The following HDAC10 variants were observed in gnomAD, a reference collection of about 807,000 sequenced individuals.
The protein encoded by HDAC10 is polyamine deacetylase HDAC10.
In HDAC10, 90 loss-of-function variants were observed where a neutral mutation model predicts 82.3. The observed-to-expected ratio is 1.09, with a 90% confidence interval of 0.92 to 1.30. The LOEUF (loss-of-function observed/expected upper bound fraction) is 1.30, where lower values mean the gene tolerates loss of function less well. Ranked by LOEUF, HDAC10 falls within the 50% of genes most tolerant of loss-of-function variation. HDAC10 has a pLI of 0.00. For synonymous variants in HDAC10, 456 were observed against 391.7 expected (o/e 1.16, Z -1.94); for missense variants, 934 against 876.3 (o/e 1.07, Z -0.83).
rs765713086 is a variant in HDAC10 at position 50,250,423 on chromosome 22, G to A, written c.291+4C>T. The A allele has an allele frequency of 1.1e-5, 18 of 1,610,846 alleles. No individual in the cohort carries two copies. In the East Asian group the frequency reaches 2.2e-4, roughly 20 times the overall value. On this transcript the variant is annotated splice_donor_region_variant and intron_variant, in intron 3 of 19. Transcript: ENST00000216271. ...CACAGGTGAGTGTGTCCGGGGACAC[G>A]CACCGGGTGGAAGTAGATGGCGTCG...
chr22:50,249,398 C>T lies in HDAC10; in HGVS notation c.620G>A (p.Arg207Gln), dbSNP rs1162083285. 7.4e-6 allele frequency: 12 copies of T among 1,612,546 alleles called. No homozygotes were observed. The highest frequency in any genetic ancestry group is 2.7e-5 in the African/African-American group (2 of 74,896). Residue 207 changes from arginine (R) to glutamine (Q), a missense_variant, in exon 7 of 20, where the codon CGA becomes CAA. Physicochemically the swap from Arg to Gln is conservative, Grantham distance 43. Coordinates refer to ENST00000216271, the MANE Select transcript of HDAC10 (RefSeq NM_032019.6). The surrounding 1 kb of genome is among the most constrained non-coding windows in gnomAD (Gnocchi z 4.4). ...CCCCACTGCGTCTGCATCTGACTCT[C>T]GCAGGAAAGGCCAGAAGCGCCCATG... ...YEHGRFWPFL[R>Q]ESDADAVGRG... is the part of the protein sequence containing the mutation.
intron 17 of HDAC10, 44 bp downstream of exon 17, chr22:50,246,254 T>A: frequency 3.2e-6 from 5 of 1,571,596 alleles, no homozygotes; most frequent in Non-Finnish European, 4.4e-6. Context: ...TACACATCCA[T>A]GGGCTCCCCA....
At position 50,250,046 on chromosome 22, in the gene HDAC10, G is replaced by T. The variant is rs1209059070; in HGVS notation, c.389+17C>A. The T allele has an allele frequency of 6.2e-7, 1 of 1,610,264 alleles. No individual in the cohort carries two copies. Among genetic ancestry groups the T allele is most frequent in the South Asian group, 1.1e-5 (1 of 91,036 alleles). ...GCCACCCACGGAGGAGCAGCCAGGG[G>T]AAGGGGCAGCTCTCACCTCACCAGG... On this transcript the variant is annotated intron_variant, in intron 4 of 19. Coordinates refer to ENST00000216271, the MANE Select transcript of HDAC10 (RefSeq NM_032019.6).
rs149070120 is a variant in HDAC10 at position 50,247,996 on chromosome 22, G to A, written c.1231C>T (p.Arg411Cys). ...QPCLCPAPSV[R>C]TAVALTTPDI... ...GGCGTTGTCAGGGCAACAGCGGTGC[G>A]GACAGAGGGTGCGGGGCAGAGGCAC... is the stretch of plus-strand genomic sequence containing the variant. Residue 411 changes from arginine to cysteine, a missense_variant, in exon 13 of 20, where the codon CGC becomes TGC. Physicochemically the swap from Arg to Cys is radical, Grantham distance 180. Coordinates refer to ENST00000216271, the MANE Select transcript of HDAC10 (RefSeq NM_032019.6). The A allele has an allele frequency of 5.6e-5, 90 of 1,612,838 alleles. No homozygotes were observed. Among genetic ancestry groups the A allele is most frequent in the Non-Finnish European group, 6.0e-5 (71 of 1,179,958 alleles).
intron 17 of HDAC10, 74 bp from the exon 18 acceptor site, chr22:50,246,166 A>G: frequency 6.6e-7 from 1 of 1,526,580 alleles, no homozygotes; most frequent in Non-Finnish European, 8.9e-7. Flanking sequence ...TCCCAATCTC[A>G]GGGCCCCTGG....
At position 50,248,875 on chromosome 22, in the gene HDAC10, C is replaced by T; in HGVS notation, c.772G>A (p.Val258Met). 1.2e-6 allele frequency: 2 copies of T among 1,611,638 alleles called. No homozygotes were observed. The highest frequency in any genetic ancestry group is 1.1e-5 in the South Asian group (1 of 90,648). Residue 258 changes from valine (V) to methionine (M), a missense_variant, in exon 9 of 20, where the codon GTG becomes ATG. Transcript: ENST00000216271. This position sits in a 1 kb window ranked among gnomAD's most constrained non-coding sequence, Gnocchi z 5.4. Reference sequence around the variant, plus strand: ...GAGTCAAATCCTGCCGAGACCAGCACCAGCTCAGGGTCAAACTACAGGCCA... The same window carrying T: ...GAGTCAAATCCTGCCGAGACCAGCATCAGCTCAGGGTCAAACTACAGGCCA... ...PLAFEFDPEL[V>M]LVSAGFDSAI...
rs79338359 is a variant in HDAC10 at position 50,247,811 on chromosome 22, G to A, written c.1338-35C>T. Reference sequence around the variant, plus strand: ...ACAGACCAGAGGGACACACAGACACGGAGTGACCGCAGGTCAGGCACACAC... The same window carrying A: ...ACAGACCAGAGGGACACACAGACACAGAGTGACCGCAGGTCAGGCACACAC... On this transcript the variant is annotated intron_variant, in intron 13 of 19. Transcript: ENST00000216271. 5.0e-5 allele frequency: 81 copies of A among 1,612,416 alleles called. No individual in the cohort carries two copies. The East Asian group carries it at 7.1e-4, about 14-fold the overall frequency.
Position 50,246,693 on chromosome 22 carries a change from G to A in HDAC10, c.1557C>T (p.Asp519=), listed in dbSNP as rs1309569677. The A allele has an allele frequency of 6.2e-7, 1 of 1,611,602 alleles. No individual in the cohort carries two copies. The highest frequency in any genetic ancestry group is 8.5e-7 in the Non-Finnish European group (1 of 1,179,896). ...VALGQLDRPP[D]LAHDGRSLWL... is the part of the protein sequence containing the mutation. ...GAGAGTCCTACCCGTCATGGGCGAG[G>A]TCTGGAGGCCGGTCCAGCTGTCCCA... Residue 519 remains aspartate, a synonymous_variant, in exon 16 of 20, where the codon GAC becomes GAT. Coordinates refer to ENST00000216271, the MANE Select transcript of HDAC10 (RefSeq NM_032019.6).
At position 50,248,865 on chromosome 22, in the gene HDAC10, G is replaced by A. The variant is rs199648733; in HGVS notation, c.782C>T (p.Ser261Leu). The change falls in exon 9 of 20, where the codon TCG (serine) becomes TTG (leucine). Residue 261 changes from serine (S) to leucine (L), a missense_variant. Transcript: ENST00000216271. This position sits in a 1 kb window ranked among gnomAD's most constrained non-coding sequence, Gnocchi z 5.4. ...FEFDPELVLV[S>L]AGFDSAIGDP... is the part of the protein sequence containing the mutation. ...CCCGATGGCTGAGTCAAATCCTGCC[G>A]AGACCAGCACCAGCTCAGGGTCAAA... 6.0e-5 allele frequency: 97 copies of A among 1,611,662 alleles called. No individual in the cohort carries two copies. Among genetic ancestry groups the A allele is most frequent in the Middle Eastern group, 1.7e-4 (1 of 6,056 alleles).
At position 50,251,194 on chromosome 22, in the gene HDAC10, A is replaced by C. The variant is rs1001920771; in HGVS notation, c.-162T>G. The C allele has an allele frequency of 1.8e-5, 12 of 649,828 alleles. No homozygotes were observed. In the African/African-American group the frequency reaches 2.3e-4, roughly 12 times the overall value. The allele number at this position is 649,828 out of a possible 1,614,324, so 40.3% of individuals were successfully genotyped here. Reference sequence around the variant, plus strand: ...GGGCGGGAGCGCACAGAACCTAGGCAGGCTCCGGGATCCCAGGCGCGCAGA... The same window carrying C: ...GGGCGGGAGCGCACAGAACCTAGGCCGGCTCCGGGATCCCAGGCGCGCAGA... On this transcript the variant is annotated 5_prime_UTR_variant, in exon 1 of 20. Coordinates refer to ENST00000216271, the MANE Select transcript of HDAC10 (RefSeq NM_032019.6).
At position 50,249,435 on chromosome 22, in the gene HDAC10, GC is replaced by G; in HGVS notation, c.582del (p.Trp194CysfsTer123). The G allele has an allele frequency of 1.2e-6, 2 of 1,612,676 alleles. No individual in the cohort carries two copies. Reference protein sequence around the residue: ...EDDPSVLYFSWHRYEHGRFWP... With the variant: ...EDDPSVLYFSXHRYEHGRFWP... Reference sequence around the variant, plus strand: ...CAGAAGCGCCCATGCTCATAGCGGTGCCAGGAGAAGTAAAGGACGCTGCCAA... The same window carrying G: ...CAGAAGCGCCCATGCTCATAGCGGTGCAGGAGAAGTAAAGGACGCTGCCAA... On this transcript the variant is annotated frameshift_variant, in exon 7 of 20. Transcript: ENST00000216271. LOFTEE classifies it high-confidence loss of function. This position sits in a 1 kb window ranked among gnomAD's most constrained non-coding sequence, Gnocchi z 4.4.
At chr22:50,246,425 G>A in intron 16 of HDAC10, 49 bp from the exon 17 acceptor site, 1 of 1,483,140 alleles carries the variant, frequency 6.7e-7, no homozygotes, top group South Asian at 1.1e-5. Context: ...ACCCTCCTGA[G>A]CCCAAACCGC....
In HDAC10 at chr22:50,248,157, T is replaced by C; in HGVS notation, c.1082-12A>G. Reference sequence around the variant, plus strand: ...CACAGCGGTCACATCTAGGGACAGTTCGGAGTCATAGCCACTGCACAGGAG... The same window carrying C: ...CACAGCGGTCACATCTAGGGACAGTCCGGAGTCATAGCCACTGCACAGGAG... On this transcript the variant is annotated splice_polypyrimidine_tract_variant and intron_variant, in intron 12 of 19. Coordinates refer to ENST00000216271, the MANE Select transcript of HDAC10 (RefSeq NM_032019.6). This position sits in a 1 kb window ranked among gnomAD's most constrained non-coding sequence, Gnocchi z 5.4. 6.3e-7 allele frequency: 1 copy of C among 1,590,502 alleles called. No homozygotes were observed. The highest frequency in any genetic ancestry group is 8.6e-7 in the Non-Finnish European group (1 of 1,168,332).
chr22:50,246,914 T>C lies in HDAC10; in HGVS notation c.1475A>G (p.Asp492Gly). Residue 492 changes from aspartate to glycine, a missense_variant, in exon 15 of 20, where the codon GAT (aspartate) becomes GGT (glycine). Transcript: ENST00000216271. Reference protein sequence around the residue: ...TPASAAAATLDVAVRRGLSHG... With the variant: ...TPASAAAATLGVAVRRGLSHG... ...GGACAGGCCTCTCCGAACAGCCACA[T>C]CCAGGGTGGCTGCTGCAGCAGAGGC... is the stretch of plus-strand genomic sequence containing the variant. 1.2e-6 allele frequency: 2 copies of C among 1,612,300 alleles called. No individual in the cohort carries two copies. The highest frequency in any genetic ancestry group is 1.7e-6 in the Non-Finnish European group (2 of 1,179,280).
At position 50,249,083 on chromosome 22, in the gene HDAC10, G is replaced by A. The variant is rs1378965207; in HGVS notation, c.756+20C>T. The A allele has an allele frequency of 6.3e-7, 1 of 1,582,736 alleles. No individual in the cohort carries two copies. The highest frequency in any genetic ancestry group is 1.2e-5 in the South Asian group (1 of 86,866). On this transcript the variant is annotated intron_variant, in intron 8 of 19. Coordinates refer to ENST00000216271, the MANE Select transcript of HDAC10 (RefSeq NM_032019.6). The surrounding 1 kb of genome is among the most constrained non-coding windows in gnomAD (Gnocchi z 4.4). ...CCCCCTCCCACCCGGCTGCCCTGGG[G>A]GAGCCCTCCGTGCAGTCACCTCAAA... is the stretch of plus-strand genomic sequence containing the variant.
Position 50,251,158 on chromosome 22 carries a change from G to A in HDAC10, c.-126C>T, listed in dbSNP as rs566352337. The A allele has an allele frequency of 1.8e-3, 1,824 of 1,000,964 alleles. 5 individuals carry two copies. The highest frequency in any genetic ancestry group is 2.9e-3 in the Admixed American group (118 of 40,690). 62.0% of individuals were successfully genotyped at this position (1,000,964 alleles called of 1,614,324 possible). A position where few individuals can be genotyped will look rare whatever the true frequency, so the allele number is the denominator to read the frequency against. On this transcript the variant is annotated 5_prime_UTR_variant, in exon 1 of 20. Transcript: ENST00000216271. ...CTGCCTGGGGCGCAGGCGGGCGGCG[G>A]GCACCGGCCTGGGCGGGAGCGCACA...
Position 50,248,303 on chromosome 22 carries a change from G to T in HDAC10, c.1014-11C>A, listed in dbSNP as rs200317914. On this transcript the variant is annotated splice_polypyrimidine_tract_variant and intron_variant, in intron 11 of 19. Transcript: ENST00000216271. This position sits in a 1 kb window ranked among gnomAD's most constrained non-coding sequence, Gnocchi z 5.4. ...ATGGACTCTAGGGCACTGTGAGGGA[G>T]ACACAACAGTCGTGACACCTGGTCT... The T allele has an allele frequency of 6.8e-6, 11 of 1,612,200 alleles. No individual in the cohort carries two copies. In the Admixed American group the frequency reaches 1.8e-4, roughly 27 times the overall value.
chr22:50,250,926 A>C (rs776266311), intron 1 of HDAC10, 21 bp from the exon 2 acceptor site: 4 of 1,607,116 alleles, frequency 2.5e-6, no homozygotes, highest in Non-Finnish European at 3.4e-6. Flanking sequence ...TGAGGAGCTC[A>C]GTTCAGAGGT....
Position 50,247,647 on chromosome 22 carries a change from GCCCCTAGGTCCACAGCATCCCCAA to G in HDAC10, c.1422+21_1422+44del, listed in dbSNP as rs747316198. The G allele has an allele frequency of 2.1e-6, 3 of 1,421,516 alleles. No homozygotes were observed. In the African/African-American group the frequency reaches 4.3e-5, roughly 20 times the overall value. The allele number at this position is 1,421,516 out of a possible 1,614,324, so 88.1% of individuals were successfully genotyped here. A position where few individuals can be genotyped will look rare whatever the true frequency, so the allele number is the denominator to read the frequency against. On this transcript the variant is annotated intron_variant, in intron 14 of 19. Transcript: ENST00000216271. Reference sequence around the variant, plus strand: ...ATCTCGTTGGCAGGTCCTGGTCCCTGCCCCTAGGTCCACAGCATCCCCAACCCCTCCCAGGTGCTCCCACCTGCC... The same window carrying G: ...ATCTCGTTGGCAGGTCCTGGTCCCTGCCCCTCCCAGGTGCTCCCACCTGCC...
Sources: allele counts gnomAD v4.1 joint callset, GRCh38; gene constraint gnomAD v4.1.1; non-coding constraint Gnocchi (gnomAD v3.1); transcripts MANE v1.5; gene names NCBI Gene and HGNC (gene_info 2026-07-23, HGNC 2026-07-21).